The following HAPLN1 variants were observed in gnomAD, a reference collection of about 807,000 sequenced individuals.
HAPLN1 encodes the protein Cartilage link protein.
Under a neutral mutation model 36.5 loss-of-function variants are expected in HAPLN1, and 13 were observed. That is an observed-to-expected ratio of 0.36 (90% confidence interval 0.23 to 0.57). The LOEUF (loss-of-function observed/expected upper bound fraction) is 0.57. HAPLN1 is among the 20% of genes least tolerant of loss of function. The pLI is 0.83. For missense variants in HAPLN1, 407 were observed against 439.7 expected, an observed-to-expected ratio of 0.93 and a Z score of 0.66; for synonymous variants, 202 against 169.8, an observed-to-expected ratio of 1.19 and a Z score of -1.48.
chr5:83,672,057 C>G (rs1415386041), intron 2 of HAPLN1, among the ~76,000 whole-genome samples: 2 of 152,120 alleles, frequency 1.3e-5, no homozygotes, highest in African/African-American at 4.8e-5. Context: ...TTTTAAAACA[C>G]TATTCTCATA....
intron 2 of HAPLN1, among the ~76,000 whole-genome samples, chr5:83,660,930 TAG>T (rs1402779522): frequency 1.3e-5 from 2 of 152,128 alleles, no homozygotes; most frequent in South Asian, 4.1e-4. Context: ...CCAGCTGGTG[TAG>T]ACTCTTACTA....
Position 83,640,204 on chromosome 5 carries a change from C to T in HAPLN1, c.*1292G>A, listed in dbSNP as rs1749640891. 1 of 152,094 alleles carries T rather than the reference C, an allele frequency of 6.6e-6. No individual in the cohort carries two copies. Among genetic ancestry groups the T allele is most frequent in the Non-Finnish European group, 1.5e-5 (1 of 67,972 alleles). The allele number at this position is 152,094 out of a possible 1,614,324, so 9.4% of individuals were successfully genotyped here. A position where few individuals can be genotyped will look rare whatever the true frequency, so the allele number is the denominator to read the frequency against. On this transcript the variant is annotated 3_prime_UTR_variant, in exon 5 of 5. Coordinates refer to ENST00000274341, the MANE Select transcript of HAPLN1 (RefSeq NM_001884.4). ...GTCATAAAAATATAGGAAAACAGAG[C>T]TTTATTTAAGAAGATTGGAGCTGCT... is the stretch of plus-strand genomic sequence containing the variant.
chr5:83,666,229 G>T (rs1307129580), intron 2 of HAPLN1, among the ~76,000 whole-genome samples: 1 of 152,068 alleles, frequency 6.6e-6, no homozygotes, highest in African/African-American at 2.4e-5. Context: ...GAAATCTAAA[G>T]CTATTATTTC....
chr5:83,715,735 C>T (rs1487074535), intron 1 of HAPLN1, among the ~76,000 whole-genome samples: 3 of 152,144 alleles, frequency 2.0e-5, no homozygotes, highest in African/African-American at 4.8e-5. Flanking sequence ...TTTCCAGGCC[C>T]ATCTGTGTCC....
chr5:83,689,479 C>T (rs1455977030), intron 1 of HAPLN1, among the ~76,000 whole-genome samples: 3 of 151,698 alleles, frequency 2.0e-5, no homozygotes, highest in Non-Finnish European at 4.4e-5. Context: ...TTTTTCACTC[C>T]CCAGACAAGA....
In HAPLN1 at chr5:83,689,397, C is replaced by T. The variant is rs534299141; in HGVS notation, c.-26-15848G>A. Among the ~76,000 whole-genome samples the T allele has an allele frequency of 7.5e-4, 114 of 152,022 alleles. 2 individuals are homozygous for T. The South Asian group carries it at 0.011, about 15-fold the overall frequency. ...ATATTACTGGCTTGTCCTATGTTTC[C>T]CTGGAAATATAGGCAGCTACATAAA... On this transcript the variant is annotated intron_variant, in intron 1 of 4. Transcript: ENST00000274341.
In HAPLN1 at chr5:83,652,777, A is replaced by G. The variant is rs559408235; in HGVS notation, c.148T>C (p.Phe50Leu). The change falls in exon 3 of 5, where the codon TTT becomes CTT. Residue 50 changes from phenylalanine (F) to leucine (L), a missense_variant. Transcript: ENST00000274341. ...LLVEAEQAKV[F>L]SHRGGNVTLP... ...GTAACATTGCCACCTCTGTGTGAAAACACCTTGGCTTGCTCTGCTTCCACA... is the reference window on the plus strand; with the variant it reads ...GTAACATTGCCACCTCTGTGTGAAAGCACCTTGGCTTGCTCTGCTTCCACA... 34 of 1,612,774 alleles carry G rather than the reference A, an allele frequency of 2.1e-5. No homozygotes were observed. In the Admixed American group the frequency reaches 3.0e-4, roughly 14 times the overall value.
At position 83,673,439 on chromosome 5, in the gene HAPLN1, C is replaced by G; in HGVS notation, c.85G>C (p.Ala29Pro). ...GTTTCCTTACCTTGGATGTGAATAGCTCTGTCATGATCCAGAGTATAGTTG... is the reference window on the plus strand; with the variant it reads ...GTTTCCTTACCTTGGATGTGAATAGGTCTGTCATGATCCAGAGTATAGTTG... ...SDNYTLDHDR[A>P]IHIQAENGPH... Residue 29 changes from alanine to proline, a missense_variant, in exon 2 of 5, where the codon GCT (alanine) becomes CCT (proline). Physicochemically the swap from Ala to Pro is conservative, Grantham distance 27. Coordinates refer to ENST00000274341, the MANE Select transcript of HAPLN1 (RefSeq NM_001884.4). 1 of 1,607,324 alleles carries G rather than the reference C, an allele frequency of 6.2e-7. No individual in the cohort carries two copies. The highest frequency in any genetic ancestry group is 2.2e-5 in the East Asian group (1 of 44,462).
At chr5:83,699,316 G>A (rs1280884548) in intron 1 of HAPLN1, among the ~76,000 whole-genome samples, 1 of 152,194 alleles carries the variant, frequency 6.6e-6, no homozygotes, top group East Asian at 1.9e-4. Flanking sequence ...AATGTACATA[G>A]TGGCTGCTCA....
chr5:83,687,902 G>A (rs1377388956), intron 1 of HAPLN1, among the ~76,000 whole-genome samples: 2 of 152,174 alleles, frequency 1.3e-5, no homozygotes, highest in Non-Finnish European at 2.9e-5. Flanking sequence ...TCAAAAGGCT[G>A]TTTTGACTCT....
At chr5:83,657,331 C>T (rs1750248976) in intron 2 of HAPLN1, among the ~76,000 whole-genome samples, 1 of 152,134 alleles carries the variant, frequency 6.6e-6, no homozygotes, top group Admixed American at 6.5e-5. Flanking sequence ...CTCCTGACCT[C>T]AGGTGATCCA....
Position 83,639,779 on chromosome 5 carries a change from T to C in HAPLN1, c.*1717A>G, listed in dbSNP as rs1251731716. 1 of 152,130 alleles carries C rather than the reference T, an allele frequency of 6.6e-6. No individual in the cohort carries two copies. The highest frequency in any genetic ancestry group is 1.5e-5 in the Non-Finnish European group (1 of 67,964). 9.4% of individuals were successfully genotyped at this position (152,130 alleles called of 1,614,324 possible). A position where few individuals can be genotyped will look rare whatever the true frequency, so the allele number is the denominator to read the frequency against. Reference sequence around the variant, plus strand: ...TTAAAAATGTGCATACATAACATTGTCATCTTTTAATATTAAAGCATCTGA... The same window carrying C: ...TTAAAAATGTGCATACATAACATTGCCATCTTTTAATATTAAAGCATCTGA... On this transcript the variant is annotated 3_prime_UTR_variant, in exon 5 of 5. Coordinates refer to ENST00000274341, the MANE Select transcript of HAPLN1 (RefSeq NM_001884.4).
In HAPLN1 at chr5:83,652,576, C is replaced by T. The variant is rs758964863; in HGVS notation, c.349G>A (p.Gly117Ser). ...ACCAGAGAAGCATCACTATCACTGC[C>T]TCCCTTCAGAAACACTCTACCCTGG... ...GYQGRVFLKG[G>S]SDSDASLVIT... is the part of the protein sequence containing the mutation. The change falls in exon 3 of 5, where the codon GGC becomes AGC. Residue 117 changes from glycine to serine, a missense_variant. Physicochemically the swap from Gly to Ser is moderately conservative, Grantham distance 56. Coordinates refer to ENST00000274341, the MANE Select transcript of HAPLN1 (RefSeq NM_001884.4). The T allele has an allele frequency of 1.7e-5, 28 of 1,614,190 alleles. No individual in the cohort carries two copies. In the South Asian group the frequency reaches 3.0e-4, roughly 17 times the overall value.
At chr5:83,648,866 A>G (rs1288470172) in intron 3 of HAPLN1, among the ~76,000 whole-genome samples, 2 of 152,212 alleles carry the variant, frequency 1.3e-5, no homozygotes, top group African/African-American at 4.8e-5. Flanking sequence ...GGTTCAGCAC[A>G]GATTTCAAAC....
intron 2 of HAPLN1, among the ~76,000 whole-genome samples, chr5:83,656,433 CT>C (rs1750217417): frequency 8.0e-6 from 1 of 124,448 alleles, no homozygotes; most frequent in African/African-American, 3.8e-5. Flanking sequence ...ATGAGTATTG[CT>C]TTAAAAAAAA....
At position 83,652,758 on chromosome 5, in the gene HAPLN1, T is replaced by C. The variant is rs576797253; in HGVS notation, c.167A>G (p.Asn56Ser). 1 of 1,613,842 alleles carries C rather than the reference T, an allele frequency of 6.2e-7. No individual in the cohort carries two copies. Among genetic ancestry groups the C allele is most frequent in the African/African-American group, 1.3e-5 (1 of 75,006 alleles). The change falls in exon 3 of 5, where the codon AAT (asparagine) becomes AGT (serine). Residue 56 changes from asparagine to serine, a missense_variant. Coordinates refer to ENST00000274341, the MANE Select transcript of HAPLN1 (RefSeq NM_001884.4). ...ATAAAATTTACATGGCAGTGTAACA[T>C]TGCCACCTCTGTGTGAAAACACCTT... ...QAKVFSHRGG[N>S]VTLPCKFYRD...
intron 1 of HAPLN1, among the ~76,000 whole-genome samples, chr5:83,713,340 G>C (rs1427196036): frequency 6.6e-6 from 1 of 152,188 alleles, no homozygotes; most frequent in Non-Finnish European, 1.5e-5. Flanking sequence ...GACTAGGACT[G>C]TGAGATGTAA....
intron 1 of HAPLN1, among the ~76,000 whole-genome samples, chr5:83,691,773 G>A (rs1751280829): frequency 6.6e-6 from 1 of 151,724 alleles, no homozygotes; most frequent in South Asian, 2.1e-4. Flanking sequence ...ATAATAAAGA[G>A]AAAACTTAGT....
At chr5:83,647,587 C>G (rs894295231) in intron 3 of HAPLN1, among the ~76,000 whole-genome samples, 5 of 152,024 alleles carry the variant, frequency 3.3e-5, no homozygotes, top group Non-Finnish European at 5.9e-5. Context: ...CTTCTTGGCT[C>G]TGTAGAAAAA....
Sources: gnomAD v4.1 joint callset for allele counts (sites outside exome capture counted in the v4.1 genomes callset) on GRCh38, gnomAD v4.1.1 for gene constraint, MANE v1.5 for transcripts, NCBI Gene and HGNC (gene_info 2026-07-23, HGNC 2026-07-21) for gene names.